The following DCDC2C variants were observed in gnomAD, a reference collection of about 807,000 sequenced individuals.
DCDC2C encodes the protein doublecortin domain-containing protein 2C.
DCDC2C carries 44 observed loss-of-function variants against 45.0 expected under a neutral mutation model. That is an observed-to-expected ratio of 0.98 (90% CI 0.77 to 1.26). The LOEUF is 1.26. Ranked by LOEUF, DCDC2C falls within the 50% of genes most tolerant of loss-of-function variation. The pLI, the probability that DCDC2C is intolerant of heterozygous loss-of-function variation, is 0.00. For synonymous variants in DCDC2C, 187 were observed against 178.8 expected (o/e 1.05, Z -0.37); for missense variants, 447 against 468.9 (o/e 0.95, Z 0.43).
At chr2:3,843,186 T>C (rs1234175271) in intron 10 of DCDC2C, among the ~76,000 whole-genome samples, 2 of 152,188 alleles carry the variant, frequency 1.3e-5, no homozygotes, top group Non-Finnish European at 2.9e-5. Context: ...TGTGGAGTCC[T>C]GGACCCAGGC....
chr2:3,756,081 T>C (rs953757004), intron 6 of DCDC2C, among the ~76,000 whole-genome samples: 1 of 152,004 alleles, frequency 6.6e-6, no homozygotes. Flanking sequence ...TGCATATGTG[T>C]GTGTGTGTGT....
At chr2:3,810,899 G>T (rs565096721) in intron 10 of DCDC2C, among the ~76,000 whole-genome samples, 13 of 152,242 alleles carry the variant, frequency 8.5e-5, no homozygotes, top group African/African-American at 3.1e-4. Flanking sequence ...TAGACATGTG[G>T]TGTTATTTCT....
At chr2:3,803,959 C>T (rs1314825657) in intron 10 of DCDC2C, among the ~76,000 whole-genome samples, 1 of 152,248 alleles carries the variant, frequency 6.6e-6, no homozygotes, top group African/African-American at 2.4e-5. Context: ...GTATTGTCCC[C>T]ACCTAAGTCT....
chr2:3,749,058 ACTGTAC>A (rs1006064917), intron 4 of DCDC2C, among the ~76,000 whole-genome samples: 7 of 152,134 alleles, frequency 4.6e-5, no homozygotes, highest in African/African-American at 1.7e-4. Context: ...TGTAAGATAG[ACTGTAC>A]CTTTATTTTG....
intron 6 of DCDC2C, among the ~76,000 whole-genome samples, chr2:3,765,113 C>T (rs1669978547): frequency 6.6e-6 from 1 of 152,196 alleles, no homozygotes. Context: ...AAAATATGTA[C>T]TTAATATAGA....
chr2:3,754,663 A>G, intron 6 of DCDC2C, 29 bp downstream of exon 6: 2 of 1,542,058 alleles, frequency 1.3e-6, no homozygotes, highest in Non-Finnish European at 1.8e-6. Flanking sequence ...CAAGTAAGTA[A>G]CTTGTTTCTG....
chr2:3,707,009 G>C (rs543533988), intron 1 of DCDC2C, among the ~76,000 whole-genome samples: 1 of 152,318 alleles, frequency 6.6e-6, no homozygotes, highest in East Asian at 1.9e-4. Flanking sequence ...TCTCATGGGT[G>C]GTTTCTTCCC....
In DCDC2C at chr2:3,771,177, C is replaced by T. The variant is rs1219736385; in HGVS notation, c.954+1766C>T. Among the ~76,000 whole-genome samples the T allele has an allele frequency of 2.0e-5, 3 of 152,228 alleles. No homozygotes were observed. In the East Asian group the frequency reaches 5.8e-4, roughly 29 times the overall value. On this transcript the variant is annotated intron_variant, in intron 8 of 10. Transcript: ENST00000399143. ...CCGTGCGTGGCGAGAGCAGAAAGAG[C>T]GGCTGTCAGCTGGGATGCTGGGGAC...
chr2:3,813,258 G>C (rs1288863452), intron 10 of DCDC2C, among the ~76,000 whole-genome samples: 4 of 151,756 alleles, frequency 2.6e-5, no homozygotes, highest in Non-Finnish European at 4.4e-5. Context: ...TTTTAATAGA[G>C]ATGGAGTTTC....
At chr2:3,816,229 T>C (rs2148219071) in intron 10 of DCDC2C, among the ~76,000 whole-genome samples, 1 of 152,196 alleles carries the variant, frequency 6.6e-6, no homozygotes, top group African/African-American at 2.4e-5. Flanking sequence ...AGACACAAAG[T>C]CCGAATAAGA....
chr2:3,728,100 A>T (rs1347863538), intron 3 of DCDC2C, among the ~76,000 whole-genome samples: 1 of 152,172 alleles, frequency 6.6e-6, no homozygotes, highest in Non-Finnish European at 1.5e-5. Flanking sequence ...TGTGAGCCAG[A>T]GTCACCTCTA....
At chr2:3,782,258 AT>A (rs1670531756) in intron 9 of DCDC2C, among the ~76,000 whole-genome samples, 1 of 152,158 alleles carries the variant, frequency 6.6e-6, no homozygotes, top group Non-Finnish European at 1.5e-5. Flanking sequence ...GGGTGCATTC[AT>A]TTTATAATTA....
At chr2:3,749,469 A>G (rs773922410) in intron 4 of DCDC2C, among the ~76,000 whole-genome samples, 5 of 152,220 alleles carry the variant, frequency 3.3e-5, no homozygotes, top group Admixed American at 2.6e-4. Context: ...CATCACATAC[A>G]GGCTCACATC....
At chr2:3,824,523 C>A (rs145842387) in intron 10 of DCDC2C, among the ~76,000 whole-genome samples, 2 of 152,268 alleles carry the variant, frequency 1.3e-5, no homozygotes, top group African/African-American at 4.8e-5. Flanking sequence ...TTCTGCTAGG[C>A]CTTTTTGCGG....
intron 10 of DCDC2C, among the ~76,000 whole-genome samples, chr2:3,840,873 AGGGGTGTCACCAAGCTTC>A (rs1442697550): frequency 2.0e-5 from 3 of 152,296 alleles, no homozygotes; most frequent in Middle Eastern, 3.4e-3. Context: ...ACTACCTAGT[AGGGGTGTCACCAAGCTTC>A]CCACTGACAG....
At chr2:3,834,699 G>A (rs565247546) in intron 10 of DCDC2C, among the ~76,000 whole-genome samples, 34 of 152,288 alleles carry the variant, frequency 2.2e-4, no homozygotes, top group African/African-American at 7.9e-4. Flanking sequence ...CTGTCAACAT[G>A]TCAAAGGGCT....
chr2:3,708,892 G>T (rs908372898), intron 2 of DCDC2C, among the ~76,000 whole-genome samples: 2 of 152,186 alleles, frequency 1.3e-5, no homozygotes, highest in Admixed American at 6.5e-5. Flanking sequence ...TTTTGGGGGG[G>T]TTTGGAAAGA....
intron 2 of DCDC2C, among the ~76,000 whole-genome samples, chr2:3,717,243 A>G (rs940435181): frequency 6.6e-6 from 1 of 152,172 alleles, no homozygotes; most frequent in African/African-American, 2.4e-5. Flanking sequence ...TCTCAAAGTC[A>G]GGACCCACAT....
intron 2 of DCDC2C, among the ~76,000 whole-genome samples, chr2:3,711,105 A>G (rs1178088727): frequency 6.6e-6 from 1 of 152,226 alleles, no homozygotes; most frequent in Non-Finnish European, 1.5e-5. Flanking sequence ...CTTTTTCAAA[A>G]TAGCCATTCT....
Sources: gnomAD v4.1 joint callset for allele counts (sites outside exome capture counted in the v4.1 genomes callset) on GRCh38, gnomAD v4.1.1 for gene constraint, MANE v1.5 for transcripts, NCBI Gene and HGNC (gene_info 2026-07-23, HGNC 2026-07-21) for gene names.